Variants in DEPTOR observed in about 807,000 individuals in gnomAD.
DEPTOR encodes DEP domain containing MTOR interacting protein, also known as DEP domain-containing mTOR-interacting protein.
In DEPTOR, 41 loss-of-function variants were observed where a neutral mutation model predicts 41.6. The ratio of observed to expected loss-of-function variants is 0.98; its 90% CI spans 0.77 to 1.28. DEPTOR has a LOEUF of 1.28. DEPTOR is among the 50% of genes most tolerant of loss of function. The pLI is 0.00. For missense variants in DEPTOR, 514 were observed against 527.9 expected (o/e 0.97, Z 0.26); for synonymous variants, 195 against 192.3 (o/e 1.01, Z -0.12).
At position 120,003,130 on chromosome 8, in the gene DEPTOR, G is replaced by A. The variant is rs1480476510; in HGVS notation, c.925+19G>A. 1.2e-6 allele frequency: 2 copies of A among 1,608,898 alleles called. No individual in the cohort carries two copies. Among genetic ancestry groups the A allele is most frequent in the Non-Finnish European group, 1.7e-6 (2 of 1,179,310 alleles). On this transcript the variant is annotated intron_variant, in intron 6 of 8. Transcript: ENST00000286234. ...AAGTCCGGTGAGTGCCCAAAAGGTG[G>A]CCCCGCTCCTAAGACTGTGGGGACT...
chr8:119,977,630 A>G (rs967853358), intron 4 of DEPTOR, among the ~76,000 whole-genome samples: 8 of 152,256 alleles, frequency 5.3e-5, no homozygotes, highest in African/African-American at 1.9e-4. Flanking sequence ...GTAAATAGAA[A>G]GGAACAGGTT....
chr8:120,047,657 A>G (rs1384765759), intron 8 of DEPTOR, among the ~76,000 whole-genome samples: 4 of 151,306 alleles, frequency 2.6e-5, no homozygotes, highest in African/African-American at 9.7e-5. Context: ...GATTACAGGC[A>G]TGAGCTACTG....
intron 8 of DEPTOR, among the ~76,000 whole-genome samples, chr8:120,041,166 T>C (rs1351524554): frequency 6.6e-6 from 1 of 152,192 alleles, no homozygotes; most frequent in Non-Finnish European, 1.5e-5. Context: ...GCAAATTTCT[T>C]GGTGAATACA....
In DEPTOR at chr8:119,968,438, C is replaced by T. The variant is rs572118903; in HGVS notation, c.604+3028C>T. Reference sequence around the variant, plus strand: ...AAGGGATTCTCCTGCCTCAGCCTCCCGAGTAGCTGTGCACCACCACACTCA... The same window carrying T: ...AAGGGATTCTCCTGCCTCAGCCTCCTGAGTAGCTGTGCACCACCACACTCA... On this transcript the variant is annotated intron_variant, in intron 4 of 8. Transcript: ENST00000286234. Among the ~76,000 whole-genome samples, 337 of 152,008 alleles carry T rather than the reference C, an allele frequency of 2.2e-3. 2 individuals are homozygous for T. Among genetic ancestry groups the T allele is most frequent in the Non-Finnish European group, 3.8e-3 (258 of 67,976 alleles).
intron 1 of DEPTOR, among the ~76,000 whole-genome samples, chr8:119,918,058 C>G (rs1256424883): frequency 1.3e-5 from 2 of 152,234 alleles, no homozygotes; most frequent in African/African-American, 4.8e-5. Flanking sequence ...GCCACATCCC[C>G]CTCTCCGAGG....
intron 4 of DEPTOR, among the ~76,000 whole-genome samples, chr8:119,994,612 C>A (rs1306946047): frequency 6.6e-6 from 1 of 151,996 alleles, no homozygotes; most frequent in Non-Finnish European, 1.5e-5. Flanking sequence ...CGGAGAAGGG[C>A]AATGTGTTCT....
Position 120,001,517 on chromosome 8 carries a change from C to G in DEPTOR, c.605-8C>G. Reference sequence around the variant, plus strand: ...GTCCTCATTGGTTGTTTTTTTTTTTCTCCCCAGTGTCCAACAAGCACCCAT... The same window carrying G: ...GTCCTCATTGGTTGTTTTTTTTTTTGTCCCCAGTGTCCAACAAGCACCCAT... On this transcript the variant is annotated splice_polypyrimidine_tract_variant and splice_region_variant and intron_variant, in intron 4 of 8. Transcript: ENST00000286234. 1 of 1,539,628 alleles carries G rather than the reference C, an allele frequency of 6.5e-7. No individual in the cohort carries two copies. The highest frequency in any genetic ancestry group is 2.0e-5 in the Admixed American group (1 of 51,212).
rs149447103 is a variant in DEPTOR at position 119,998,992 on chromosome 8, G to A, written c.605-2533G>A. Among the ~76,000 whole-genome samples, 283 of 151,616 alleles carry A rather than the reference G, an allele frequency of 1.9e-3. 1 individual carries two copies. The highest frequency in any genetic ancestry group is 6.5e-3 in the African/African-American group (269 of 41,400). ...AGAAGAAATAAAATAGGCCGGGCACGGAGGCTCGTGTCTGTAATCCCAGCA... is the reference window on the plus strand; with the variant it reads ...AGAAGAAATAAAATAGGCCGGGCACAGAGGCTCGTGTCTGTAATCCCAGCA... On this transcript the variant is annotated intron_variant, in intron 4 of 8. Coordinates refer to ENST00000286234, the MANE Select transcript of DEPTOR (RefSeq NM_022783.4).
chr8:119,894,042 G>T (rs1393406118), intron 1 of DEPTOR, among the ~76,000 whole-genome samples: 1 of 152,116 alleles, frequency 6.6e-6, no homozygotes, highest in Non-Finnish European at 1.5e-5. Context: ...TTGTGTGAAA[G>T]GAAATTTTAT....
chr8:119,999,119 C>T (rs1244709214), intron 4 of DEPTOR, among the ~76,000 whole-genome samples: 2 of 151,546 alleles, frequency 1.3e-5, no homozygotes, highest in African/African-American at 2.4e-5. Flanking sequence ...CAAAATTAGC[C>T]AGGTATGGGT....
At chr8:119,877,452 G>T (rs1263689429) in intron 1 of DEPTOR, among the ~76,000 whole-genome samples, 1 of 152,202 alleles carries the variant, frequency 6.6e-6, no homozygotes, top group Non-Finnish European at 1.5e-5. Context: ...CTTTCACAAA[G>T]AGTTCTTCTG....
chr8:119,929,392 T>C (rs891707434), intron 2 of DEPTOR, among the ~76,000 whole-genome samples: 3 of 152,148 alleles, frequency 2.0e-5, no homozygotes, highest in Admixed American at 2.0e-4. Flanking sequence ...TGGGCTCCCA[T>C]TGCACTCTCT....
intron 8 of DEPTOR, among the ~76,000 whole-genome samples, chr8:120,032,010 G>A (rs1281093063): frequency 1.3e-5 from 2 of 152,042 alleles, no homozygotes; most frequent in Admixed American, 6.6e-5. Flanking sequence ...CACAGAGTGC[G>A]GGAGAGTGAG....
intron 1 of DEPTOR, among the ~76,000 whole-genome samples, chr8:119,880,194 C>G (rs1385278110): frequency 7.3e-6 from 1 of 137,912 alleles, no homozygotes; most frequent in East Asian, 1.9e-4. Flanking sequence ...AATAAAGAAG[C>G]CCAACAATAT....
chr8:119,907,388 GATA>G (rs1827677250), intron 1 of DEPTOR, among the ~76,000 whole-genome samples: 1 of 152,022 alleles, frequency 6.6e-6, no homozygotes, highest in Non-Finnish European at 1.5e-5. Context: ...TATGCCTACG[GATA>G]ATATTTTATG....
intron 3 of DEPTOR, among the ~76,000 whole-genome samples, chr8:119,959,936 T>A (rs909932343): frequency 6.6e-6 from 1 of 152,090 alleles, no homozygotes; most frequent in East Asian, 1.9e-4. Context: ...TTAATAAGGG[T>A]GTACATTCAT....
intron 1 of DEPTOR, among the ~76,000 whole-genome samples, chr8:119,884,833 TTCCAGGGTTCAAGCTCACTGCAACCTCC>T (rs1827343782): frequency 6.8e-6 from 1 of 147,632 alleles, no homozygotes; most frequent in African/African-American, 2.7e-5. Flanking sequence ...CAACCTCCGC[TTCCAGGGTTCAAGCTCACTGCAACCTCC>T]GCTTCTAAGG....
intron 1 of DEPTOR, among the ~76,000 whole-genome samples, chr8:119,922,998 C>T (rs192486178): frequency 2.0e-5 from 3 of 149,266 alleles, no homozygotes; most frequent in Non-Finnish European, 3.0e-5. Flanking sequence ...AACACCATCC[C>T]CGAACATGGG....
chr8:120,049,356 A>C (rs1400616105), intron 8 of DEPTOR, among the ~76,000 whole-genome samples: 1 of 151,472 alleles, frequency 6.6e-6, no homozygotes, highest in Non-Finnish European at 1.5e-5. Flanking sequence ...ATTTAAGCCA[A>C]ATTTTGTAAA....
Sources: allele counts gnomAD v4.1 joint callset (sites outside exome capture counted in the v4.1 genomes callset), GRCh38; gene constraint gnomAD v4.1.1; transcripts MANE v1.5; gene names NCBI Gene and HGNC (gene_info 2026-07-23, HGNC 2026-07-21).